LRRIQ3: variants seen among roughly 807,000 people sequenced by gnomAD.
LRRIQ3 encodes the protein leucine-rich repeat and IQ domain-containing protein 3.
In LRRIQ3, 75 loss-of-function variants were observed where a neutral mutation model predicts 59.3. The ratio of observed to expected loss-of-function variants is 1.26; its 90% CI spans 1.05 to 1.53. The LOEUF is 1.53. LRRIQ3 is among the 40% of genes most tolerant of loss of function. The pLI, the probability that LRRIQ3 is intolerant of heterozygous loss-of-function variation, is 0.00. For missense variants in LRRIQ3, 831 were observed against 710.0 expected (o/e 1.17, Z -1.94); for synonymous variants, 250 against 231.3 (o/e 1.08, Z -0.73).
At chr1:74,040,616 TA>T (rs1231671700) in intron 7 of LRRIQ3, among the ~76,000 whole-genome samples, 1 of 152,120 alleles carries the variant, frequency 6.6e-6, no homozygotes, top group Admixed American at 6.5e-5. Flanking sequence ...GCAATCAAAG[TA>T]GAGCTCAGGA....
chr1:74,045,456 T>G (rs975816070), intron 6 of LRRIQ3, among the ~76,000 whole-genome samples: 42 of 152,336 alleles, frequency 2.8e-4, no homozygotes, highest in Admixed American at 9.2e-4. Flanking sequence ...TGATGGAACG[T>G]ATCTCAAAAT....
chr1:74,147,220 T>A (rs1156469416), intron 4 of LRRIQ3, among the ~76,000 whole-genome samples: 4 of 152,072 alleles, frequency 2.6e-5, no homozygotes, highest in Non-Finnish European at 2.9e-5. Flanking sequence ...CAGGTAAGAC[T>A]CTGCATCAAA....
At chr1:74,127,088 T>C (rs1254618804) in intron 4 of LRRIQ3, among the ~76,000 whole-genome samples, 1 of 152,004 alleles carries the variant, frequency 6.6e-6, no homozygotes, top group Non-Finnish European at 1.5e-5. Flanking sequence ...AATTGACCTC[T>C]GTACCATTAT....
Position 74,084,252 on chromosome 1 carries a change from A to G in LRRIQ3, c.868-9462T>C, listed in dbSNP as rs1021796129. On this transcript the variant is annotated intron_variant, in intron 5 of 7. Coordinates refer to ENST00000354431, the MANE Select transcript of LRRIQ3 (RefSeq NM_001105659.2). ...ATACAGTAATAAAGTTTAAAGATGG[A>G]AAAAATCAGTTAAACTCTTGAGGTG... 18 of 1,527,328 alleles carry G rather than the reference A, an allele frequency of 1.2e-5. No homozygotes were observed. In the African/African-American group the frequency reaches 2.2e-4, roughly 19 times the overall value. The allele number at this position is 1,527,328 out of a possible 1,614,324, so 94.6% of individuals were successfully genotyped here. A position where few individuals can be genotyped will look rare whatever the true frequency, so the allele number is the denominator to read the frequency against.
At chr1:74,068,726 T>C (rs1013122341) in intron 6 of LRRIQ3, among the ~76,000 whole-genome samples, 1 of 152,084 alleles carries the variant, frequency 6.6e-6, no homozygotes, top group Non-Finnish European at 1.5e-5. Flanking sequence ...TAGTCTTATA[T>C]GCATGAGTAT....
intron 4 of LRRIQ3, among the ~76,000 whole-genome samples, chr1:74,149,487 T>C (rs1040201399): frequency 2.0e-5 from 3 of 152,224 alleles, no homozygotes; most frequent in Non-Finnish European, 4.4e-5. Flanking sequence ...CTTTCATATC[T>C]GTAGACTTAC....
chr1:74,131,412 G>A (rs976786098), intron 4 of LRRIQ3, among the ~76,000 whole-genome samples: 1 of 152,198 alleles, frequency 6.6e-6, no homozygotes, highest in South Asian at 2.1e-4. Context: ...GCCTGGCAGA[G>A]ACACAACAAA....
chr1:74,110,427 G>A (rs918196589), intron 4 of LRRIQ3, among the ~76,000 whole-genome samples: 10 of 151,768 alleles, frequency 6.6e-5, no homozygotes, highest in African/African-American at 2.2e-4. Context: ...AATTAGTGGA[G>A]GAAAAAAGTG....
At chr1:74,122,767 G>A (rs1409319379) in intron 4 of LRRIQ3, among the ~76,000 whole-genome samples, 2 of 152,102 alleles carry the variant, frequency 1.3e-5, no homozygotes, top group African/African-American at 4.8e-5. Context: ...ACATAGGCAT[G>A]GGCAAGGACT....
chr1:74,028,260 G>C (rs1653580044), intron 7 of LRRIQ3, among the ~76,000 whole-genome samples: 1 of 151,942 alleles, frequency 6.6e-6, no homozygotes, highest in Non-Finnish European at 1.5e-5. Flanking sequence ...ATCTGAAGTT[G>C]AGGAGAAAAA....
intron 4 of LRRIQ3, among the ~76,000 whole-genome samples, chr1:74,124,251 T>C (rs1646903439): frequency 6.6e-6 from 1 of 151,910 alleles, no homozygotes; most frequent in Non-Finnish European, 1.5e-5. Flanking sequence ...GCTCCTTATA[T>C]ATTGTAGCTA....
chr1:74,153,968 G>A (rs1037578869), intron 4 of LRRIQ3, among the ~76,000 whole-genome samples: 3 of 152,024 alleles, frequency 2.0e-5, no homozygotes, highest in African/African-American at 7.2e-5. Flanking sequence ...AAGGCTGGGC[G>A]CGGTAGTTCA....
intron 5 of LRRIQ3, among the ~76,000 whole-genome samples, chr1:74,089,763 A>G (rs962075282): frequency 6.6e-6 from 1 of 152,094 alleles, no homozygotes; most frequent in Non-Finnish European, 1.5e-5. Flanking sequence ...ATCGTTTCAC[A>G]AATTTGTGAA....
chr1:74,192,791 T>G (rs931832648), intron 1 of LRRIQ3, among the ~76,000 whole-genome samples: 1 of 152,184 alleles, frequency 6.6e-6, no homozygotes, highest in Non-Finnish European at 1.5e-5. Context: ...ATTCAGAATA[T>G]AACGTATGTG....
chr1:74,074,855 G>T (rs2100480353), intron 5 of LRRIQ3, 65 bp from the exon 6 acceptor site: 3 of 772,852 alleles, frequency 3.9e-6, no homozygotes, highest in East Asian at 6.6e-5. Context: ...TTCTTCAAGG[G>T]TTTTCACATG....
chr1:74,098,157 A>ACTCATC (rs199979022), intron 5 of LRRIQ3, among the ~76,000 whole-genome samples: 48,980 of 151,636 alleles, frequency 0.32, 8,309 homozygotes, highest in Middle Eastern at 0.44. Context: ...TATTCAGGAG[A>ACTCATC]CTCATCTCAC....
chr1:74,188,643 T>A (rs935837464), intron 1 of LRRIQ3, among the ~76,000 whole-genome samples: 1 of 152,158 alleles, frequency 6.6e-6, no homozygotes, highest in African/African-American at 2.4e-5. Context: ...CTAAATTATA[T>A]GTACCCTGTG....
chr1:74,187,275 C>A (rs1027273507), intron 1 of LRRIQ3, among the ~76,000 whole-genome samples: 7 of 151,200 alleles, frequency 4.6e-5, no homozygotes, highest in South Asian at 2.1e-4. Context: ...ATGGTACAAA[C>A]CTAAGTACCC....
chr1:74,151,844 C>T (rs956519862), intron 4 of LRRIQ3, among the ~76,000 whole-genome samples: 1 of 152,108 alleles, frequency 6.6e-6, no homozygotes, highest in Admixed American at 6.5e-5. Flanking sequence ...CAGTCAGAGA[C>T]AGCAGAAAGA....
Sources: allele counts gnomAD v4.1 joint callset (sites outside exome capture counted in the v4.1 genomes callset), GRCh38; gene constraint gnomAD v4.1.1; transcripts MANE v1.5; gene names NCBI Gene and HGNC (gene_info 2026-07-23, HGNC 2026-07-21).